OR2G6: variants seen among roughly 807,000 people sequenced by gnomAD.
The protein encoded by OR2G6 is olfactory receptor family 2 subfamily G member 6.
For synonymous variants in OR2G6, 183 were observed against 155.2 expected, an observed-to-expected ratio of 1.18 and a Z score of -1.33; for missense variants, 457 against 391.3, an observed-to-expected ratio of 1.17 and a Z score of -1.42.
rs946833977 is a variant in OR2G6 at position 248,522,767 on chromosome 1, C to T, written c.*170C>T. 14 of 574,940 alleles carry T rather than the reference C, an allele frequency of 2.4e-5. No homozygotes were observed. Among genetic ancestry groups the T allele is most frequent in the Admixed American group, 1.3e-4 (4 of 31,006 alleles). The allele number at this position is 574,940 out of a possible 1,614,324, so 35.6% of individuals were successfully genotyped here. A position where few individuals can be genotyped will look rare whatever the true frequency, so the allele number is the denominator to read the frequency against. ...TGAGGATTCATCCTCCCCAGACATT[C>T]CTCTTGTCAATCCCAAAGCCACAGG... is the stretch of plus-strand genomic sequence containing the variant. On this transcript the variant is annotated 3_prime_UTR_variant, in exon 2 of 2. Transcript: ENST00000641804.
At position 248,526,806 on chromosome 1, in the gene OR2G6, G is replaced by A. The variant is rs867922603; in HGVS notation, c.*4209G>A. 6.6e-6 allele frequency: 1 copy of A among 151,742 alleles called. No homozygotes were observed. Among genetic ancestry groups the A allele is most frequent in the Non-Finnish European group, 1.5e-5 (1 of 67,976 alleles). The allele number at this position is 151,742 out of a possible 1,614,324, so 9.4% of individuals were successfully genotyped here. A position where few individuals can be genotyped will look rare whatever the true frequency, so the allele number is the denominator to read the frequency against. ...GCTGCATAAATATCTTTTGAGAAGT[G>A]TCTGTTCATATCTTTCGCCCACTTT... On this transcript the variant is annotated 3_prime_UTR_variant, in exon 2 of 2. Transcript: ENST00000641804.
rs1269965627 is a variant in OR2G6, at chr1:248,524,148, C to T, written c.*1551C>T. On this transcript the variant is annotated 3_prime_UTR_variant, in exon 2 of 2. Transcript: ENST00000641804. ...AGGATAACGTTTGGACCTGCCTCTC[C>T]TACCAAAGCCTGGACTGAAGGCAAA... is the stretch of plus-strand genomic sequence containing the variant. The T allele has an allele frequency of 1.3e-5, 2 of 152,188 alleles. No homozygotes were observed. The highest frequency in any genetic ancestry group is 2.9e-5 in the Non-Finnish European group (2 of 68,060). 9.4% of individuals were successfully genotyped at this position (152,188 alleles called of 1,614,324 possible). A position where few individuals can be genotyped will look rare whatever the true frequency, so the allele number is the denominator to read the frequency against.
Position 248,526,971 on chromosome 1 carries a change from G to C in OR2G6, c.*4374G>C, listed in dbSNP as rs931077851. ...GTACACTCTGATGGTAGTTTCTTTTGCTGTGCAGAAGCTCTTTAGTTTAAT... is the reference window on the plus strand; with the variant it reads ...GTACACTCTGATGGTAGTTTCTTTTCCTGTGCAGAAGCTCTTTAGTTTAAT... On this transcript the variant is annotated 3_prime_UTR_variant, in exon 2 of 2. Coordinates refer to ENST00000641804, the MANE Select transcript of OR2G6 (RefSeq NM_001013355.2). 8 of 151,954 alleles carry C rather than the reference G, an allele frequency of 5.3e-5. No individual in the cohort carries two copies. Among genetic ancestry groups the C allele is most frequent in the African/African-American group, 1.9e-4 (8 of 41,364 alleles). The allele number at this position is 151,954 out of a possible 1,614,324, so 9.4% of individuals were successfully genotyped here.
intron 1 of OR2G6, among the ~76,000 whole-genome samples, chr1:248,519,291 G>A (rs1340009492): frequency 7.8e-6 from 1 of 128,778 alleles, no homozygotes; most frequent in African/African-American, 3.0e-5. Flanking sequence ...TAGCTTGCCT[G>A]TTCACTATGA....
chr1:248,522,686 C>G lies in OR2G6; in HGVS notation c.*89C>G. 1.2e-6 allele frequency: 1 copy of G among 812,864 alleles called. No homozygotes were observed. The highest frequency in any genetic ancestry group is 1.9e-6 in the Non-Finnish European group (1 of 521,926). 50.4% of individuals were successfully genotyped at this position (812,864 alleles called of 1,614,324 possible). A position where few individuals can be genotyped will look rare whatever the true frequency, so the allele number is the denominator to read the frequency against. ...GACATTCCTCTTGTCAATCCCAAAG[C>G]CACAGGGACTAGGAAGCATTGGAAT... On this transcript the variant is annotated 3_prime_UTR_variant, in exon 2 of 2. Coordinates refer to ENST00000641804, the MANE Select transcript of OR2G6 (RefSeq NM_001013355.2).
At position 248,523,692 on chromosome 1, in the gene OR2G6, G is replaced by C. The variant is rs1052346579; in HGVS notation, c.*1095G>C. The C allele has an allele frequency of 2.0e-5, 3 of 152,076 alleles. No homozygotes were observed. Among genetic ancestry groups the C allele is most frequent in the African/African-American group, 7.2e-5 (3 of 41,386 alleles). 9.4% of individuals were successfully genotyped at this position (152,076 alleles called of 1,614,324 possible). A position where few individuals can be genotyped will look rare whatever the true frequency, so the allele number is the denominator to read the frequency against. On this transcript the variant is annotated 3_prime_UTR_variant, in exon 2 of 2. Coordinates refer to ENST00000641804, the MANE Select transcript of OR2G6 (RefSeq NM_001013355.2). ...TTTAATTCTGTCTCTATCTCTCTGT[G>C]TATCTTTGTGTGTCTCAGCCTCTTT... is the stretch of plus-strand genomic sequence containing the variant.
rs139720131 is a variant in OR2G6, at chr1:248,522,797, A to G, written c.*200A>G. Reference sequence around the variant, plus strand: ...TGTCAATCCCAAAGCCACAGGGACTAGGAAGCATTGGAATTCTAAAGAAGA... The same window carrying G: ...TGTCAATCCCAAAGCCACAGGGACTGGGAAGCATTGGAATTCTAAAGAAGA... On this transcript the variant is annotated 3_prime_UTR_variant, in exon 2 of 2. Transcript: ENST00000641804. 6.6e-3 allele frequency: 3,559 copies of G among 542,932 alleles called. 106 individuals are homozygous for G. The highest frequency in any genetic ancestry group is 0.059 in the African/African-American group (3,054 of 51,618). The allele number at this position is 542,932 out of a possible 1,614,324, so 33.6% of individuals were successfully genotyped here.
intron 1 of OR2G6, 88 bp from the exon 2 acceptor site, chr1:248,521,523 T>C: frequency 1.5e-6 from 1 of 687,870 alleles, no homozygotes; most frequent in African/African-American, 1.8e-5. Context: ...TTTTAGGTGA[T>C]ATATAAGGAA....
intron 1 of OR2G6, among the ~76,000 whole-genome samples, chr1:248,510,559 A>AAG (rs1396423578): frequency 4.0e-3 from 239 of 59,496 alleles, no homozygotes; most frequent in South Asian, 0.016. Context: ...TATTGTGGAA[A>AAG]AGAGAAACAA....
chr1:248,522,139 C>T lies in OR2G6; in HGVS notation c.493C>T (p.Gln165Ter). The change falls in exon 2 of 2, where the codon CAG (glutamine) becomes TAG (stop). Residue 165 changes from glutamine (Q) to a stop codon, truncating the protein, a stop_gained. Coordinates refer to ENST00000641804, the MANE Select transcript of OR2G6 (RefSeq NM_001013355.2). LOFTEE classifies it low-confidence loss of function (END_TRUNC). The stretch of plus-strand genomic sequence containing the variant: ...CCTAATTCAGTGCTCCCTCACTGTG[C>T]AGCTGCCCCTCTGTGGTCATCGCAC... ...TSLIQCSLTV[Q>*]LPLCGHRTLD... is the part of the protein sequence containing the mutation. 1 of 1,612,410 alleles carries T rather than the reference C, an allele frequency of 6.2e-7. No individual in the cohort carries two copies. Among genetic ancestry groups the T allele is most frequent in the Non-Finnish European group, 8.5e-7 (1 of 1,179,980 alleles).
In OR2G6 at chr1:248,525,021, T is replaced by C. The variant is rs1238870200; in HGVS notation, c.*2424T>C. On this transcript the variant is annotated 3_prime_UTR_variant, in exon 2 of 2. Coordinates refer to ENST00000641804, the MANE Select transcript of OR2G6 (RefSeq NM_001013355.2). The stretch of plus-strand genomic sequence containing the variant: ...TCCTATGATATGGATATGTTTATAC[T>C]GCTTTTATAATCATCATACATGTAT... The C allele has an allele frequency of 6.6e-6, 1 of 152,178 alleles. No individual in the cohort carries two copies. Among genetic ancestry groups the C allele is most frequent in the Admixed American group, 6.5e-5 (1 of 15,276 alleles). 9.4% of individuals were successfully genotyped at this position (152,178 alleles called of 1,614,324 possible).
chr1:248,526,857 ATTTG>A lies in OR2G6; in HGVS notation c.*4265_*4268del, dbSNP rs1251967705. 9.9e-5 allele frequency: 15 copies of A among 151,598 alleles called. No homozygotes were observed. The highest frequency in any genetic ancestry group is 3.9e-4 in the East Asian group (2 of 5,168). 9.4% of individuals were successfully genotyped at this position (151,598 alleles called of 1,614,324 possible). A position where few individuals can be genotyped will look rare whatever the true frequency, so the allele number is the denominator to read the frequency against. ...TTGATGGGTTTTTTTTTTCTTGTAA[ATTTG>A]TTTGAGTTCTTTGTAGATTCTGGAT... On this transcript the variant is annotated 3_prime_UTR_variant, in exon 2 of 2. Transcript: ENST00000641804.
intron 1 of OR2G6, among the ~76,000 whole-genome samples, chr1:248,520,169 C>A (rs1664252597): frequency 6.6e-6 from 1 of 152,078 alleles, no homozygotes; most frequent in Admixed American, 6.6e-5. Context: ...CAAACTAACA[C>A]AAGAACAGAA....
rs141046686 is a variant in OR2G6, at chr1:248,522,152, G to A, written c.506G>A (p.Cys169Tyr). The change falls in exon 2 of 2, where the codon TGT (cysteine) becomes TAT (tyrosine). Residue 169 changes from cysteine (C) to tyrosine (Y), a missense_variant. Cys to Tyr is a radical substitution (Grantham distance 194). Coordinates refer to ENST00000641804, the MANE Select transcript of OR2G6 (RefSeq NM_001013355.2). ...QCSLTVQLPL[C>Y]GHRTLDHIFC... The stretch of plus-strand genomic sequence containing the variant: ...TCCCTCACTGTGCAGCTGCCCCTCT[G>A]TGGTCATCGCACACTGGATCATATT... 17 of 1,614,098 alleles carry A rather than the reference G, an allele frequency of 1.1e-5. No homozygotes were observed. Among genetic ancestry groups the A allele is most frequent in the Non-Finnish European group, 1.2e-5 (14 of 1,180,014 alleles).
rs144488875 is a variant in OR2G6, at chr1:248,522,802, G to A, written c.*205G>A. 6.7e-3 allele frequency: 3,564 copies of A among 532,268 alleles called. 110 individuals are homozygous for A. The highest frequency in any genetic ancestry group is 0.06 in the African/African-American group (3,065 of 51,394). The allele number at this position is 532,268 out of a possible 1,614,324, so 33.0% of individuals were successfully genotyped here. A position where few individuals can be genotyped will look rare whatever the true frequency, so the allele number is the denominator to read the frequency against. Reference sequence around the variant, plus strand: ...ATCCCAAAGCCACAGGGACTAGGAAGCATTGGAATTCTAAAGAAGAGAAAC... The same window carrying A: ...ATCCCAAAGCCACAGGGACTAGGAAACATTGGAATTCTAAAGAAGAGAAAC... On this transcript the variant is annotated 3_prime_UTR_variant, in exon 2 of 2. Transcript: ENST00000641804.
intron 1 of OR2G6, among the ~76,000 whole-genome samples, chr1:248,521,278 G>A (rs1372205957): frequency 6.6e-6 from 1 of 152,012 alleles, no homozygotes; most frequent in Non-Finnish European, 1.5e-5. Flanking sequence ...AGGACATTGG[G>A]TCAGTTGCTT....
intron 1 of OR2G6, among the ~76,000 whole-genome samples, chr1:248,520,312 G>C (rs1010081708): frequency 2.6e-5 from 4 of 152,104 alleles, no homozygotes; most frequent in Non-Finnish European, 4.4e-5. Flanking sequence ...AGCATTAGGA[G>C]AAATACCTAA....
rs1389627426 is a variant in OR2G6 at position 248,524,427 on chromosome 1, CAT to C, written c.*1831_*1832del. On this transcript the variant is annotated 3_prime_UTR_variant, in exon 2 of 2. Coordinates refer to ENST00000641804, the MANE Select transcript of OR2G6 (RefSeq NM_001013355.2). Reference sequence around the variant, plus strand: ...ACTGAGCAGAACATGCTGAGGAGCACATGTTTTTATTTACAATATGCAAGTAG... The same window carrying C: ...ACTGAGCAGAACATGCTGAGGAGCACGTTTTTATTTACAATATGCAAGTAG... The C allele has an allele frequency of 1.3e-5, 2 of 152,136 alleles. No individual in the cohort carries two copies. Among genetic ancestry groups the C allele is most frequent in the East Asian group, 1.9e-4 (1 of 5,200 alleles). The allele number at this position is 152,136 out of a possible 1,614,324, so 9.4% of individuals were successfully genotyped here.
At position 248,522,276 on chromosome 1, in the gene OR2G6, G is replaced by C. The variant is rs149255742; in HGVS notation, c.630G>C (p.Pro210=). The C allele has an allele frequency of 1.2e-6, 2 of 1,613,940 alleles. No individual in the cohort carries two copies. The highest frequency in any genetic ancestry group is 2.7e-5 in the African/African-American group (2 of 74,872). The part of the protein sequence containing the change: ...FVASVVFLIV[P]VLLILVSYGF... ...CCAGTGTAGTCTTTCTAATTGTCCC[G>C]GTGTTACTCATCTTAGTCTCCTATG... The change falls in exon 2 of 2, where the codon CCG becomes CCC. Residue 210 remains proline (P), a synonymous_variant. Transcript: ENST00000641804.
Sources: gnomAD v4.1 joint callset for allele counts (sites outside exome capture counted in the v4.1 genomes callset) on GRCh38, gnomAD v4.1.1 for gene constraint, MANE v1.5 for transcripts, NCBI Gene and HGNC (gene_info 2026-07-23, HGNC 2026-07-21) for gene names.